PDE3A: variants seen among roughly 807,000 people sequenced by gnomAD.
The protein encoded by PDE3A is cGMP-inhibited 3',5'-cyclic phosphodiesterase 3A.
PDE3A carries 43 observed loss-of-function variants against 98.3 expected under a neutral mutation model. That is an observed-to-expected ratio of 0.44 (90% confidence interval 0.34 to 0.56). The LOEUF (loss-of-function observed/expected upper bound fraction) is 0.56, where lower values mean the gene tolerates loss of function less well. PDE3A is among the 20% of genes least tolerant of loss of function. The probability of loss-of-function intolerance (pLI) is 0.01; values close to 1 mark genes in which losing one functional copy is unlikely to be tolerated. For missense variants in PDE3A, 1,427 were observed against 1,440.7 expected, an observed-to-expected ratio of 0.99 and a Z score of 0.15; for synonymous variants, 663 against 567.9, an observed-to-expected ratio of 1.17 and a Z score of -2.38.
chr12:20,521,853 AC>A (rs1322013501), intron 1 of PDE3A, among the ~76,000 whole-genome samples: 2 of 152,132 alleles, frequency 1.3e-5, no homozygotes, highest in Non-Finnish European at 2.9e-5. Context: ...AGGAGAACCA[AC>A]TTACCTACAG....
At chr12:20,625,610 G>T (rs1944243860) in intron 5 of PDE3A, among the ~76,000 whole-genome samples, 1 of 152,106 alleles carries the variant, frequency 6.6e-6, no homozygotes, top group South Asian at 2.1e-4. Flanking sequence ...AGACAAGCTG[G>T]TTCCTTTTTT....
At chr12:20,375,668 A>G (rs1943557737) in intron 1 of PDE3A, among the ~76,000 whole-genome samples, 1 of 151,964 alleles carries the variant, frequency 6.6e-6, no homozygotes, top group Non-Finnish European at 1.5e-5. Flanking sequence ...TTATCTGTGC[A>G]TTAGTCCTTG....
intron 15 of PDE3A, among the ~76,000 whole-genome samples, chr12:20,660,093 C>T (rs1164084088): frequency 6.6e-6 from 1 of 151,840 alleles, no homozygotes; most frequent in East Asian, 2.0e-4. Context: ...GGGGAGTTAC[C>T]CCCATGCTAC....
At chr12:20,376,899 T>G (rs1943582190) in intron 1 of PDE3A, among the ~76,000 whole-genome samples, 1 of 151,868 alleles carries the variant, frequency 6.6e-6, no homozygotes, top group South Asian at 2.1e-4. Context: ...TGTTTTTGAT[T>G]TGATTAGAGC....
intron 1 of PDE3A, among the ~76,000 whole-genome samples, chr12:20,529,429 C>T (rs1946584012): frequency 6.6e-6 from 1 of 151,936 alleles, no homozygotes. Flanking sequence ...TATCCTAAGC[C>T]CTAACACCTC....
intron 1 of PDE3A, among the ~76,000 whole-genome samples, chr12:20,380,874 T>C (rs1484679125): frequency 2.0e-5 from 3 of 151,904 alleles, no homozygotes; most frequent in Non-Finnish European, 4.4e-5. Context: ...ATTAAGCTAT[T>C]TGTGAGTTTA....
At chr12:20,435,940 G>A (rs1004604771) in intron 1 of PDE3A, among the ~76,000 whole-genome samples, 4 of 152,088 alleles carry the variant, frequency 2.6e-5, no homozygotes, top group Admixed American at 1.3e-4. Context: ...TGTGTTTCTT[G>A]TGTTGCATTA....
At chr12:20,658,528 T>G (rs1053019463) in intron 15 of PDE3A, among the ~76,000 whole-genome samples, 6 of 152,218 alleles carry the variant, frequency 3.9e-5, no homozygotes, top group Admixed American at 3.3e-4. Flanking sequence ...GGAGACAGAT[T>G]GAACTCTGTT....
chr12:20,610,315 A>G (rs183815989), intron 2 of PDE3A, among the ~76,000 whole-genome samples: 1 of 152,138 alleles, frequency 6.6e-6, no homozygotes, highest in Admixed American at 6.5e-5. Flanking sequence ...ATCACTAAGC[A>G]TCAGGAAATG....
intron 1 of PDE3A, among the ~76,000 whole-genome samples, chr12:20,400,378 GGTTTTTTTTTTTTTTT>G (rs1565537287): frequency 1.9e-5 from 2 of 106,158 alleles, no homozygotes; most frequent in African/African-American, 8.3e-5. Context: ...CGTTAACATT[GGTTTTTTTTTTTTTTT>G]TTTTTTTTTT....
At chr12:20,654,401 A>G (rs547172147) in intron 15 of PDE3A, among the ~76,000 whole-genome samples, 196 bp downstream of exon 15, 34 of 152,338 alleles carry the variant, frequency 2.2e-4, no homozygotes, top group African/African-American at 7.9e-4. Flanking sequence ...AATAACACAT[A>G]TGATACAAAG....
intron 1 of PDE3A, among the ~76,000 whole-genome samples, chr12:20,528,784 T>A (rs2121178634): frequency 6.6e-6 from 1 of 152,286 alleles, no homozygotes; most frequent in Admixed American, 6.5e-5. Flanking sequence ...AGGTACTTGA[T>A]GACATTTTTA....
At chr12:20,458,514 A>G (rs564010671) in intron 1 of PDE3A, among the ~76,000 whole-genome samples, 2 of 152,278 alleles carry the variant, frequency 1.3e-5, no homozygotes, top group Admixed American at 6.5e-5. Flanking sequence ...ATGTGCCCTT[A>G]GAAACACAGG....
chr12:20,469,447 A>G (rs1945398816), intron 1 of PDE3A, among the ~76,000 whole-genome samples: 1 of 152,108 alleles, frequency 6.6e-6, no homozygotes, highest in African/African-American at 2.4e-5. Flanking sequence ...CATGGTCCCA[A>G]AGGGTCTTCT....
chr12:20,410,182 T>C (rs1944307669), intron 1 of PDE3A, among the ~76,000 whole-genome samples: 1 of 152,176 alleles, frequency 6.6e-6, no homozygotes, highest in African/African-American at 2.4e-5. Flanking sequence ...TAGTTAAATC[T>C]TATTGTGGTA....
At chr12:20,540,684 T>C (rs989079222) in intron 1 of PDE3A, among the ~76,000 whole-genome samples, 1 of 152,038 alleles carries the variant, frequency 6.6e-6, no homozygotes, top group Non-Finnish European at 1.5e-5. Flanking sequence ...AATTTAAGAA[T>C]TAGAATTGTG....
rs1944343852 is a variant in PDE3A, at chr12:20,629,924, T to G, written c.1557T>G (p.Ile519Met). Residue 519 changes from isoleucine to methionine, a missense_variant, in exon 6 of 16, where the codon ATT becomes ATG. By Grantham distance (10) the Ile-to-Met change is conservative. This residue lies in a region of PDE3A where 1,012 missense variants were observed against 886.5 expected (regional missense o/e 1.14). Coordinates refer to ENST00000359062, the MANE Select transcript of PDE3A (RefSeq NM_000921.5). The stretch of plus-strand genomic sequence containing the variant: ...CTTTCTCAGGTGCCCTCGCTAAAAT[T>G]TCACCTCTTTCATCGCCCTGCTCCT... ...KQSRPGALAK[I>M]SPLSSPCSSP... 1 of 1,613,662 alleles carries G rather than the reference T, an allele frequency of 6.2e-7. No individual in the cohort carries two copies. The highest frequency in any genetic ancestry group is 1.3e-5 in the African/African-American group (1 of 74,892).
At chr12:20,453,828 A>G (rs1393933382) in intron 1 of PDE3A, among the ~76,000 whole-genome samples, 1 of 151,842 alleles carries the variant, frequency 6.6e-6, no homozygotes, top group Non-Finnish European at 1.5e-5. Context: ...CAAAATAGCT[A>G]GAGTCTCACC....
intron 1 of PDE3A, among the ~76,000 whole-genome samples, chr12:20,526,933 T>TGTGTGTGTGTGTG (rs1946534981): frequency 7.7e-6 from 1 of 129,040 alleles, no homozygotes; most frequent in Non-Finnish European, 1.7e-5. Context: ...TGTGTGTGTG[T>TGTGTGTGTGTGTG]TTGAGACCAA....
Sources: gnomAD v4.1 joint callset for allele counts (sites outside exome capture counted in the v4.1 genomes callset) on GRCh38, gnomAD v4.1.1 for gene constraint, gnomAD v4.1.1 regional missense constraint, MANE v1.5 for transcripts, NCBI Gene and HGNC (gene_info 2026-07-23, HGNC 2026-07-21) for gene names.